The following NCOR2 variants were observed in gnomAD, a reference collection of about 807,000 sequenced individuals.
The protein encoded by NCOR2 is nuclear receptor corepressor 2, also known as CTG repeat protein 26.
NCOR2 carries 81 observed loss-of-function variants against 262.9 expected under a neutral mutation model. The ratio of observed to expected loss-of-function variants is 0.31; its 90% CI spans 0.26 to 0.37. The LOEUF is 0.37. Among genes scored for constraint, NCOR2 ranks in the 10% least tolerant of loss-of-function variants. NCOR2 has a pLI of 1.00. For missense variants in NCOR2, 3,385 were observed against 3,621.4 expected (o/e 0.93, Z 1.68); for synonymous variants, 1,659 against 1,559.3 (o/e 1.06, Z -1.51).
exon 37 of NCOR2, chr12:124,340,184 T>TGCCGCTGCTGCC: frequency 6.2e-7 from 1 of 1,608,718 alleles, no homozygotes; most frequent in Non-Finnish European, 8.5e-7. Flanking sequence ...CCGCCGCTGC[T>TGCCGCTGCTGCC]GCCGCTGCTC....
intron 30 of NCOR2, chr12:124,347,514 C>T (rs879902327): frequency 5.5e-6 from 2 of 362,666 alleles, no homozygotes; most frequent in Non-Finnish European, 1.0e-5. Flanking sequence ...ATCGCATGTG[C>T]CTCACCAGGA....
At position 124,389,546 on chromosome 12, in the gene NCOR2, G is replaced by A. The variant is rs1047213177; in HGVS notation, c.1877-3659C>T. ...AGACAGGGAGCAAACAGCTTCTTCCGCCATCATCCCCCGCCGCCCGTCCCC... is the reference window on the plus strand; with the variant it reads ...AGACAGGGAGCAAACAGCTTCTTCCACCATCATCCCCCGCCGCCCGTCCCC... On this transcript the variant is annotated intron_variant, in intron 16 of 46. Transcript: ENST00000405201. This position sits in a 1 kb window ranked among gnomAD's most constrained non-coding sequence, Gnocchi z 4.4. Among the ~76,000 whole-genome samples, 6 of 152,036 alleles carry A rather than the reference G, an allele frequency of 3.9e-5. No homozygotes were observed. The highest frequency in any genetic ancestry group is 7.2e-5 in the African/African-American group (3 of 41,382).
At chr12:124,509,792 G>A (rs1290316009) in intron 1 of NCOR2, among the ~76,000 whole-genome samples, 4 of 152,098 alleles carry the variant, frequency 2.6e-5, no homozygotes, top group African/African-American at 9.7e-5. Context: ...GCAGGCGGCA[G>A]CTTTGCAGAT....
At chr12:124,409,327 G>T (rs531255334) in intron 13 of NCOR2, among the ~76,000 whole-genome samples, 1 of 152,194 alleles carries the variant, frequency 6.6e-6, no homozygotes, top group Non-Finnish European at 1.5e-5. Flanking sequence ...AAGATGGCCC[G>T]CATGTTCCTG....
chr12:124,499,925 G>A (rs1400746142), upstream of NCOR2, among the ~76,000 whole-genome samples: 2 of 152,158 alleles, frequency 1.3e-5, no homozygotes, highest in African/African-American at 2.4e-5. Context: ...GACAGAGAAG[G>A]GGAAATGGGC....
intron 20 of NCOR2, among the ~76,000 whole-genome samples, chr12:124,368,023 G>A (rs1393009889): frequency 2.6e-5 from 4 of 152,182 alleles, no homozygotes; most frequent in African/African-American, 4.8e-5. Context: ...CTGGCACAGA[G>A]TATGTGTCTG....
At chr12:124,421,931 T>C (rs1171585821) in intron 12 of NCOR2, among the ~76,000 whole-genome samples, 1 of 152,212 alleles carries the variant, frequency 6.6e-6, no homozygotes, top group Admixed American at 6.5e-5. Flanking sequence ...TGACACAAAG[T>C]GGGCTTTAGG....
chr12:124,370,146 G>A (rs1047502134), intron 20 of NCOR2, among the ~76,000 whole-genome samples: 3 of 152,172 alleles, frequency 2.0e-5, no homozygotes, highest in Non-Finnish European at 4.4e-5. Context: ...CTGCCTCCAG[G>A]GCAGACCCAG....
chr12:124,344,441 C>T (rs956032971), intron 32 of NCOR2, among the ~76,000 whole-genome samples, 156 bp downstream of exon 34: 5 of 152,140 alleles, frequency 3.3e-5, no homozygotes, highest in Non-Finnish European at 7.4e-5. Context: ...GGTTTGGAAT[C>T]GGAGGCAGAG....
intron 36 of NCOR2, 42 bp downstream of exon 38, chr12:124,340,252 C>G: frequency 6.2e-7 from 1 of 1,606,368 alleles, no homozygotes; most frequent in South Asian, 1.1e-5. Flanking sequence ...TTGCGGCCCA[C>G]AAGGAGTCCC....
At chr12:124,442,980 G>A (rs572501693) in intron 7 of NCOR2, among the ~76,000 whole-genome samples, 5 of 152,338 alleles carry the variant, frequency 3.3e-5, no homozygotes, top group African/African-American at 1.2e-4. Context: ...ACGCCAAGGA[G>A]GCCGGCAGCC....
At chr12:124,391,830 C>T (rs557112496) in intron 16 of NCOR2, among the ~76,000 whole-genome samples, 1 of 152,374 alleles carries the variant, frequency 6.6e-6, no homozygotes, top group East Asian at 1.9e-4. Flanking sequence ...CTGCATACGA[C>T]CTGGCGCTGT....
intron 1 of NCOR2, among the ~76,000 whole-genome samples, chr12:124,553,462 C>G (rs1174268513): frequency 1.3e-5 from 2 of 152,232 alleles, no homozygotes; most frequent in Non-Finnish European, 2.9e-5. Flanking sequence ...GGCCCCACCC[C>G]ACAGATTCTG....
chr12:124,393,244 C>T (rs149016513), intron 16 of NCOR2, among the ~76,000 whole-genome samples: 1 of 152,344 alleles, frequency 6.6e-6, no homozygotes, highest in African/African-American at 2.4e-5. Context: ...CCCTCCTTCC[C>T]CACTTGGCGC....
Position 124,473,188 on chromosome 12 carries a change from A to G in NCOR2, c.412-57T>C, listed in dbSNP as rs1156699500. The G allele has an allele frequency of 5.0e-6, 8 of 1,592,662 alleles. No homozygotes were observed. In the East Asian group the frequency reaches 1.6e-4, roughly 31 times the overall value. On this transcript the variant is annotated intron_variant, in intron 3 of 46. Coordinates refer to ENST00000405201, the Ensembl canonical transcript of NCOR2. The stretch of plus-strand genomic sequence containing the variant: ...GCACAGGGGACACCCCCCAGTCTGT[A>G]CAACCCTGTGATGGTTAATACTGTC...
intron 1 of NCOR2, among the ~76,000 whole-genome samples, chr12:124,564,339 A>T (rs1245002614): frequency 1.3e-5 from 2 of 152,108 alleles, no homozygotes; most frequent in Non-Finnish European, 2.9e-5. Flanking sequence ...GCAGCAGCTC[A>T]AGCTTGGGGC....
rs1287321054 is a variant in NCOR2 at position 124,495,015 on chromosome 12, C to T, written c.105+132G>A. ...CAGACACCAGGGGTCTCTGTGGCGG[C>T]CTCCCCTCTGCCCTGGGAGGCTCAG... is the stretch of plus-strand genomic sequence containing the variant. On this transcript the variant is annotated intron_variant, in intron 1 of 46. Coordinates refer to ENST00000405201, the Ensembl canonical transcript of NCOR2. This position sits in a 1 kb window ranked among gnomAD's most constrained non-coding sequence, Gnocchi z 4.4. The T allele has an allele frequency of 2.7e-6, 3 of 1,114,456 alleles. No individual in the cohort carries two copies. In the Admixed American group the frequency reaches 9.0e-5, roughly 33 times the overall value. The allele number at this position is 1,114,456 out of a possible 1,614,324, so 69.0% of individuals were successfully genotyped here.
At chr12:124,415,504 A>G (rs2042810714) in intron 13 of NCOR2, among the ~76,000 whole-genome samples, 1 of 152,252 alleles carries the variant, frequency 6.6e-6, no homozygotes, top group Non-Finnish European at 1.5e-5. Flanking sequence ...GTTGTGAACC[A>G]GGCCTGTGGG....
chr12:124,409,674 C>T (rs2042460259), intron 13 of NCOR2, among the ~76,000 whole-genome samples: 1 of 151,946 alleles, frequency 6.6e-6, no homozygotes, highest in African/African-American at 2.4e-5. Flanking sequence ...CTCCAGGGAC[C>T]TTGTTTGCCC....
Sources: allele counts gnomAD v4.1 joint callset (sites outside exome capture counted in the v4.1 genomes callset), GRCh38; gene constraint gnomAD v4.1.1; non-coding constraint Gnocchi (gnomAD v3.1); transcripts MANE v1.5; gene names NCBI Gene and HGNC (gene_info 2026-07-23, HGNC 2026-07-21).